KDM3B: variants seen among roughly 807,000 people sequenced by gnomAD.
The protein encoded by KDM3B is lysine demethylase 3B, also known as lysine-specific demethylase 3B.
In KDM3B, 10 loss-of-function variants were observed where a neutral mutation model predicts 170.0. The observed-to-expected ratio is 0.06, with a 90% CI of 0.04 to 0.10. KDM3B has a LOEUF of 0.10. Ranked by LOEUF, KDM3B falls within the 10% of genes least tolerant of loss-of-function variation. KDM3B has a pLI of 1.00. For missense variants in KDM3B, 1,394 were observed against 2,195.2 expected, an observed-to-expected ratio of 0.64 and a Z score of 7.29; for synonymous variants, 831 against 834.8, an observed-to-expected ratio of 1.00 and a Z score of 0.08.
rs185465589 is a variant in KDM3B, at chr5:138,436,596, A to C, written c.*896A>C. The C allele has an allele frequency of 6.6e-6, 1 of 152,284 alleles. No individual in the cohort carries two copies. Among genetic ancestry groups the C allele is most frequent in the East Asian group, 1.9e-4 (1 of 5,186 alleles). 9.4% of individuals were successfully genotyped at this position (152,284 alleles called of 1,614,324 possible). A position where few individuals can be genotyped will look rare whatever the true frequency, so the allele number is the denominator to read the frequency against. ...ATGAGAAGGAACTTTGTCACATCTA[A>C]GCTGTGGTGTGTTCCCCATGTGTGT... is the stretch of plus-strand genomic sequence containing the variant. On this transcript the variant is annotated 3_prime_UTR_variant, in exon 24 of 24. Coordinates refer to ENST00000314358, the MANE Select transcript of KDM3B (RefSeq NM_016604.4).
chr5:138,405,875 T>C (rs961739734), intron 11 of KDM3B, among the ~76,000 whole-genome samples: 7 of 152,186 alleles, frequency 4.6e-5, no homozygotes, highest in Non-Finnish European at 8.8e-5. Context: ...ACACTTTATG[T>C]AAAGTGAGAT....
At chr5:138,385,066 G>C (rs1013310229) in intron 6 of KDM3B, among the ~76,000 whole-genome samples, 6 of 151,950 alleles carry the variant, frequency 3.9e-5, no homozygotes, top group African/African-American at 1.5e-4. Context: ...TTGTTGCCCA[G>C]GCTGGAGTGC....
At chr5:138,380,517 G>A (rs555665375) in intron 5 of KDM3B, among the ~76,000 whole-genome samples, 9 of 151,694 alleles carry the variant, frequency 5.9e-5, no homozygotes, top group Admixed American at 1.3e-4. Context: ...AAATAGATGC[G>A]TTCTTTTCCA....
At chr5:138,412,471 C>T (rs1176376424) in intron 11 of KDM3B, among the ~76,000 whole-genome samples, 2 of 151,990 alleles carry the variant, frequency 1.3e-5, no homozygotes, top group African/African-American at 2.4e-5. Flanking sequence ...CTAGGCAACA[C>T]GGAGACCTCA....
At chr5:138,423,468 C>G (rs1390027266) in intron 15 of KDM3B, among the ~76,000 whole-genome samples, 2 of 152,110 alleles carry the variant, frequency 1.3e-5, no homozygotes, top group East Asian at 3.8e-4. Context: ...ATGTCACTTT[C>G]ATCTCTGGGC....
At chr5:138,417,370 G>A (rs1277690946) in intron 12 of KDM3B, 113 bp from the exon 13 acceptor site, 9 of 1,042,522 alleles carry the variant, frequency 8.6e-6, no homozygotes, top group East Asian at 5.3e-5. Context: ...AAGCAGCTAC[G>A]TTATTGAAAT....
At chr5:138,376,714 G>GAA (rs1283807948) in intron 3 of KDM3B, among the ~76,000 whole-genome samples, 1 of 90,180 alleles carries the variant, frequency 1.1e-5, no homozygotes, top group Non-Finnish European at 2.4e-5. Flanking sequence ...AAGAAAAAAA[G>GAA]AAAAAAAAAA....
rs760109893 is a variant in KDM3B, at chr5:138,386,554, A to G, written c.1313A>G (p.Asp438Gly). The stretch of plus-strand genomic sequence containing the variant: ...ACCCCAAACACAGTGAGGATCTCAG[A>G]CACTGGCCTTGCAGCAGGGACTGTG... ...SSTPNTVRIS[D>G]TGLAAGTVPE... The change falls in exon 7 of 24, where the codon GAC becomes GGC. Residue 438 changes from aspartate to glycine, a missense_variant. Physicochemically the swap from Asp to Gly is moderately conservative, Grantham distance 94. This residue lies in a region of KDM3B where 205 missense variants were observed against 227.6 expected (regional missense o/e 0.90). Transcript: ENST00000314358. The G allele has an allele frequency of 1.2e-6, 2 of 1,614,216 alleles. No homozygotes were observed. Among genetic ancestry groups the G allele is most frequent in the East Asian group, 4.5e-5 (2 of 44,890 alleles).
At chr5:138,378,804 T>C (rs1762059459) in intron 4 of KDM3B, among the ~76,000 whole-genome samples, 1 of 147,108 alleles carries the variant, frequency 6.8e-6, no homozygotes, top group African/African-American at 2.5e-5. Flanking sequence ...TATATCATGA[T>C]ATATATATAT....
At chr5:138,406,689 G>A (rs1459548921) in intron 11 of KDM3B, among the ~76,000 whole-genome samples, 1 of 152,078 alleles carries the variant, frequency 6.6e-6, no homozygotes, top group Non-Finnish European at 1.5e-5. Context: ...GAGTATAAAT[G>A]AGAAAAAGAT....
chr5:138,382,673 AT>A (rs869184496), intron 6 of KDM3B, among the ~76,000 whole-genome samples: 35 of 147,932 alleles, frequency 2.4e-4, no homozygotes, highest in East Asian at 1.4e-3. Flanking sequence ...AAGAAAAAAA[AT>A]TTTTTTTTTT....
chr5:138,418,897 G>A, intron 13 of KDM3B, 56 bp from the exon 14 acceptor site: 2 of 1,541,122 alleles, frequency 1.3e-6, no homozygotes, highest in South Asian at 2.3e-5. Flanking sequence ...ATTACTAGTT[G>A]TATTTTTTTC....
chr5:138,384,245 T>TAA (rs759332474), intron 6 of KDM3B, among the ~76,000 whole-genome samples: 21 of 132,490 alleles, frequency 1.6e-4, no homozygotes, highest in Middle Eastern at 4.1e-3. Flanking sequence ...GACTCCGACT[T>TAA]AAAAAAAAAA....
intron 20 of KDM3B, among the ~76,000 whole-genome samples, chr5:138,428,358 C>A (rs1196850903): frequency 6.6e-6 from 1 of 151,824 alleles, no homozygotes; most frequent in Non-Finnish European, 1.5e-5. Context: ...ATTACAGGTG[C>A]CTGCCACCAC....
intron 9 of KDM3B, 109 bp downstream of exon 9, chr5:138,393,481 C>A: frequency 1.1e-6 from 1 of 898,000 alleles, no homozygotes. Context: ...CTTTGCTTTC[C>A]TCAACTCCTT....
chr5:138,392,433 A>T (rs996407954), intron 8 of KDM3B, among the ~76,000 whole-genome samples, 172 bp downstream of exon 8: 15 of 152,240 alleles, frequency 9.9e-5, no homozygotes, highest in Non-Finnish European at 1.8e-4. Flanking sequence ...TCAGGGCAGG[A>T]TTGCATCTAA....
At chr5:138,384,557 G>A (rs1762207274) in intron 6 of KDM3B, among the ~76,000 whole-genome samples, 2 of 151,864 alleles carry the variant, frequency 1.3e-5, no homozygotes, top group South Asian at 4.2e-4. Flanking sequence ...GGCCAGCATG[G>A]TGAAACCCTG....
rs554646223 is a variant in KDM3B, at chr5:138,415,715, A to C, written c.3307+476A>C. ...CCCTCCCACCTCGGCCTCCCAAAGT[A>C]CTGGGAGTATAACTGTGAGCCACCG... is the stretch of plus-strand genomic sequence containing the variant. On this transcript the variant is annotated intron_variant, in intron 12 of 23. Transcript: ENST00000314358. 2.0e-5 allele frequency among the ~76,000 whole-genome samples: 3 copies of C among 151,810 alleles called. No individual in the cohort carries two copies. The South Asian group carries it at 6.3e-4, about 32-fold the overall frequency.
chr5:138,387,970 A>G (rs1762322376), intron 7 of KDM3B, among the ~76,000 whole-genome samples: 1 of 152,016 alleles, frequency 6.6e-6, no homozygotes, highest in African/African-American at 2.4e-5. Flanking sequence ...AGTCCCAGCT[A>G]CTCGGGAGGC....
Sources: allele counts gnomAD v4.1 joint callset (sites outside exome capture counted in the v4.1 genomes callset), GRCh38; gene constraint gnomAD v4.1.1; regional missense constraint gnomAD v4.1.1; transcripts MANE v1.5; gene names NCBI Gene and HGNC (gene_info 2026-07-23, HGNC 2026-07-21).